The following ANKRD11 variants were observed in gnomAD, a reference collection of about 807,000 sequenced individuals.
The protein encoded by ANKRD11 is ankyrin repeat domain 11, also known as ankyrin repeat domain-containing protein 11.
In ANKRD11, 17 loss-of-function variants were observed where a neutral mutation model predicts 195.7. The observed-to-expected ratio is 0.09, with a 90% CI of 0.06 to 0.13. ANKRD11 has a LOEUF of 0.13. Among genes scored for constraint, ANKRD11 ranks in the 10% least tolerant of loss-of-function variants. The pLI is 1.00. For synonymous variants in ANKRD11, 1,953 were observed against 1,528.1 expected (o/e 1.28, Z -6.49); for missense variants, 3,735 against 3,566.1 (o/e 1.05, Z -1.21).
intron 1 of ANKRD11, among the ~76,000 whole-genome samples, chr16:89,460,466 G>C (rs1397961789): frequency 2.0e-5 from 3 of 152,144 alleles, no homozygotes; most frequent in Non-Finnish European, 4.4e-5. Flanking sequence ...GGCTGAAGCA[G>C]GAAAATTGCT....
chr16:89,440,506 C>T (rs2043403068), intron 1 of ANKRD11, among the ~76,000 whole-genome samples: 1 of 152,162 alleles, frequency 6.6e-6, no homozygotes, highest in Non-Finnish European at 1.5e-5. Flanking sequence ...GTCCCAGGCA[C>T]TCAGGAGGCT....
chr16:89,391,184 C>T (rs1292030924), intron 2 of ANKRD11, among the ~76,000 whole-genome samples: 8 of 148,488 alleles, frequency 5.4e-5, no homozygotes, highest in Non-Finnish European at 1.2e-4. Flanking sequence ...GCCGAGATCG[C>T]GCCACTGAAC....
intron 1 of ANKRD11, among the ~76,000 whole-genome samples, chr16:89,431,784 A>G (rs1248428682): frequency 6.6e-6 from 1 of 152,072 alleles, no homozygotes; most frequent in African/African-American, 2.4e-5. Context: ...CCAACTAGAG[A>G]CACTGTCAAT....
chr16:89,452,481 G>A (rs1432223297), intron 1 of ANKRD11, among the ~76,000 whole-genome samples: 1 of 152,056 alleles, frequency 6.6e-6, no homozygotes, highest in Non-Finnish European at 1.5e-5. Context: ...CACAGCGGGT[G>A]AGGACACAGC....
chr16:89,287,302 C>T, intron 7 of ANKRD11: 1 of 355,104 alleles, frequency 2.8e-6, no homozygotes, highest in South Asian at 2.2e-5. Context: ...CTTTAAGGGC[C>T]CATGGGGCTG....
At chr16:89,436,609 G>A (rs1433649282) in intron 1 of ANKRD11, among the ~76,000 whole-genome samples, 1 of 152,176 alleles carries the variant, frequency 6.6e-6, no homozygotes, top group Admixed American at 6.5e-5. Context: ...AAATGAAGAC[G>A]CAGGGGCATC....
chr16:89,322,741 T>C (rs1235154273), intron 2 of ANKRD11, among the ~76,000 whole-genome samples: 1 of 152,080 alleles, frequency 6.6e-6, no homozygotes, highest in African/African-American at 2.4e-5. Flanking sequence ...ACCAGGGGCT[T>C]GCTCCCACGT....
At chr16:89,369,089 C>T (rs1029754699) in intron 2 of ANKRD11, among the ~76,000 whole-genome samples, 2 of 152,230 alleles carry the variant, frequency 1.3e-5, no homozygotes, top group African/African-American at 4.8e-5. Context: ...CTACAATGAT[C>T]ACATCACTAC....
At chr16:89,360,499 G>T (rs1000583816) in intron 2 of ANKRD11, 26 of 152,130 alleles carry the variant, frequency 1.7e-4, no homozygotes, top group Non-Finnish European at 3.4e-4. Context: ...AAATTTAAAA[G>T]ATTAAAAAAC....
chr16:89,438,518 T>C (rs1472441178), intron 1 of ANKRD11, among the ~76,000 whole-genome samples: 1 of 152,002 alleles, frequency 6.6e-6, no homozygotes, highest in Non-Finnish European at 1.5e-5. Context: ...TTTTAGTAGA[T>C]ACAGGGTTTC....
chr16:89,351,680 C>A (rs2039226899), intron 2 of ANKRD11, among the ~76,000 whole-genome samples: 1 of 152,176 alleles, frequency 6.6e-6, no homozygotes, highest in African/African-American at 2.4e-5. Context: ...TGCCACACAG[C>A]ATGCAATTCC....
chr16:89,342,833 C>T (rs542097291), intron 2 of ANKRD11, among the ~76,000 whole-genome samples: 3 of 152,194 alleles, frequency 2.0e-5, no homozygotes, highest in Non-Finnish European at 4.4e-5. Flanking sequence ...TTTGTTCCCT[C>T]AGAGTGCCTT....
At chr16:89,382,656 C>T (rs529772444) in intron 2 of ANKRD11, among the ~76,000 whole-genome samples, 2 of 151,894 alleles carry the variant, frequency 1.3e-5, no homozygotes, top group Non-Finnish European at 2.9e-5. Flanking sequence ...ACAATTCCCC[C>T]CCTCCAGTAG....
intron 1 of ANKRD11, among the ~76,000 whole-genome samples, chr16:89,451,918 C>A (rs564320609): frequency 1.7e-4 from 26 of 152,232 alleles, no homozygotes; most frequent in African/African-American, 6.0e-4. Context: ...CCTAAAAAAT[C>A]TTTAAAACAT....
chr16:89,441,578 T>A (rs180789921), intron 1 of ANKRD11, among the ~76,000 whole-genome samples: 1 of 151,682 alleles, frequency 6.6e-6, no homozygotes, highest in Non-Finnish European at 1.5e-5. Flanking sequence ...CCATCCTGGC[T>A]AACATGGTAA....
chr16:89,282,065 G>A lies in ANKRD11; in HGVS notation c.4477C>T (p.Leu1493=), dbSNP rs2034296984. 4 of 1,612,138 alleles carry A rather than the reference G, an allele frequency of 2.5e-6. No individual in the cohort carries two copies. The highest frequency in any genetic ancestry group is 3.4e-6 in the Non-Finnish European group (4 of 1,179,022). The change falls in exon 9 of 13, where the codon CTG becomes TTG. Residue 1493 remains leucine (L), a synonymous_variant. Transcript: ENST00000301030. ...TTCTGCTCGTCCCTGTGATGCCGCA[G>A]GAGCTCGTCCCTGTGATGCCGCAGC... The part of the protein sequence containing the change: ...GLLRHHRDEL[L]RHHRDEQKPA...
At chr16:89,390,826 A>C (rs1419207543) in intron 2 of ANKRD11, among the ~76,000 whole-genome samples, 2 of 152,190 alleles carry the variant, frequency 1.3e-5, no homozygotes, top group African/African-American at 4.8e-5. Flanking sequence ...GCTGCTCCCC[A>C]CATGCCCTGC....
chr16:89,420,587 G>GC (rs1198303219), intron 1 of ANKRD11, among the ~76,000 whole-genome samples: 2 of 152,226 alleles, frequency 1.3e-5, no homozygotes, highest in Non-Finnish European at 2.9e-5. Flanking sequence ...GGTATGGAAA[G>GC]CAAGTTGGGA....
intron 2 of ANKRD11, among the ~76,000 whole-genome samples, chr16:89,345,215 A>C (rs957847455): frequency 4.6e-5 from 7 of 152,198 alleles, no homozygotes; most frequent in Non-Finnish European, 8.8e-5. Flanking sequence ...ATGGAAAAAA[A>C]AAATGGAGCG....
Sources: gnomAD v4.1 joint callset for allele counts (sites outside exome capture counted in the v4.1 genomes callset) on GRCh38, gnomAD v4.1.1 for gene constraint, MANE v1.5 for transcripts, NCBI Gene and HGNC (gene_info 2026-07-23, HGNC 2026-07-21) for gene names.